Variants in TPTE2 observed in about 807,000 individuals in gnomAD.
TPTE2 encodes transmembrane phosphoinositide 3-phosphatase and tensin homolog 2, also known as phosphatidylinositol 3,4,5-trisphosphate 3-phosphatase TPTE2.
In TPTE2, 53 loss-of-function variants were observed where a neutral mutation model predicts 78.6. That is an observed-to-expected ratio of 0.67 (90% CI 0.54 to 0.85). The LOEUF (loss-of-function observed/expected upper bound fraction) is 0.85. Ranked by LOEUF, TPTE2 falls within the 40% of genes least tolerant of loss-of-function variation. The pLI is 0.00. For synonymous variants in TPTE2, 175 were observed against 206.2 expected, an observed-to-expected ratio of 0.85 and a Z score of 1.30; for missense variants, 461 against 623.0, an observed-to-expected ratio of 0.74 and a Z score of 2.77.
chr13:19,469,221 A>G (rs1055808483), intron 6 of TPTE2, among the ~76,000 whole-genome samples: 24 of 152,178 alleles, frequency 1.6e-4, no homozygotes, highest in African/African-American at 5.6e-4. Context: ...GTAGGGGTCT[A>G]GGTGCATTCT....
upstream of TPTE2, among the ~76,000 whole-genome samples, chr13:19,505,203 C>T (rs900154201): frequency 5.3e-5 from 8 of 151,960 alleles, no homozygotes; most frequent in South Asian, 2.1e-4. Flanking sequence ...TGCAGTGATG[C>T]GATCTTGGCT....
intron 1 of TPTE2, among the ~76,000 whole-genome samples, chr13:19,523,363 A>T (rs1355832211): frequency 6.6e-6 from 1 of 151,810 alleles, no homozygotes; most frequent in Non-Finnish European, 1.5e-5. Flanking sequence ...ATTTTCAGAG[A>T]TCTGAAAAGT....
At chr13:19,511,434 G>A (rs1170530749) in intron 1 of TPTE2, among the ~76,000 whole-genome samples, 8 of 152,140 alleles carry the variant, frequency 5.3e-5, no homozygotes, top group Admixed American at 3.9e-4. Flanking sequence ...TTAAACATAT[G>A]AAAATTGTTG....
At chr13:19,548,168 C>A in the TPTE2 span, among the ~76,000 whole-genome samples, 58 of 152,208 alleles carry the variant, frequency 3.8e-4, no homozygotes, top group African/African-American at 1.3e-3. Flanking sequence ...GTAGCAATGA[C>A]CAATTCTTTT....
chr13:19,508,086 AT>A (rs1232358569), upstream of TPTE2, among the ~76,000 whole-genome samples: 1 of 152,178 alleles, frequency 6.6e-6, no homozygotes, highest in African/African-American at 2.4e-5. Context: ...CTTACTGACA[AT>A]GACACGGCTT....
intron 17 of TPTE2, 33 bp downstream of exon 20, chr13:19,430,428 ACAAACAT>A (rs1876478441): frequency 6.7e-7 from 1 of 1,482,086 alleles, no homozygotes; most frequent in African/African-American, 1.4e-5. Context: ...CAGCCTTAAA[ACAAACAT>A]CAGATTTTTT....
rs890899798 is a variant in TPTE2, at chr13:19,516,894, T to G, written c.-43-13617A>C. ...CTATTTCTACTATTTTTCTATCTAA[T>G]TATTTTTCTATTTTTATTTGCTGGG... On this transcript the variant is annotated intron_variant, in intron 1 of 17. Coordinates refer to the TPTE2 transcript ENST00000390680. 2.0e-5 allele frequency among the ~76,000 whole-genome samples: 3 copies of G among 152,250 alleles called. 1 individual carries two copies. The highest frequency in any genetic ancestry group is 1.5e-5 in the Non-Finnish European group (1 of 68,046).
chr13:19,543,243 A>G, the TPTE2 span, among the ~76,000 whole-genome samples: 1 of 151,694 alleles, frequency 6.6e-6, no homozygotes, highest in African/African-American at 2.4e-5. Flanking sequence ...AGTAGAGACA[A>G]GGTTTCACCA....
At chr13:19,487,937 C>T (rs558309557) in intron 3 of TPTE2, among the ~76,000 whole-genome samples, 36 of 152,294 alleles carry the variant, frequency 2.4e-4, no homozygotes, top group African/African-American at 8.4e-4. Flanking sequence ...GTTGTAAAGA[C>T]TTTGTGTTTG....
At position 19,438,400 on chromosome 13, in the gene TPTE2, G is replaced by A; in HGVS notation, c.974-247C>T. 11 of 985,352 alleles carry A rather than the reference G, an allele frequency of 1.1e-5. No individual in the cohort carries two copies. The South Asian group carries it at 5.2e-4, about 46-fold the overall frequency. The allele number at this position is 985,352 out of a possible 1,614,324, so 61.0% of individuals were successfully genotyped here. On this transcript the variant is annotated intron_variant, in intron 13 of 19. Transcript: ENST00000400230. ...CCATCTCTCCACAAAAGGACACGATGAGGTTTTTACTAAATCTATAAGAAA... is the reference window on the plus strand; with the variant it reads ...CCATCTCTCCACAAAAGGACACGATAAGGTTTTTACTAAATCTATAAGAAA...
At chr13:19,439,435 A>G (rs530226335) in intron 13 of TPTE2, among the ~76,000 whole-genome samples, 1 of 152,212 alleles carries the variant, frequency 6.6e-6, no homozygotes, top group African/African-American at 2.4e-5. Context: ...AAATAACAAT[A>G]ATATTATAGG....
intron 9 of TPTE2, among the ~76,000 whole-genome samples, chr13:19,465,004 T>G (rs1879173279): frequency 6.6e-6 from 1 of 152,216 alleles, no homozygotes; most frequent in Non-Finnish European, 1.5e-5. Flanking sequence ...GGTTAATAAA[T>G]TGAAACTCAA....
At chr13:19,462,327 C>A (rs981096945) in intron 10 of TPTE2, among the ~76,000 whole-genome samples, 1 of 151,888 alleles carries the variant, frequency 6.6e-6, no homozygotes. Context: ...CTAGGAAATA[C>A]TTTATTTCTC....
Position 19,489,752 on chromosome 13 carries a change from A to G in TPTE2, c.119+3098T>C, listed in dbSNP as rs562355186. Among the ~76,000 whole-genome samples, 7 of 67,796 alleles carry G rather than the reference A, an allele frequency of 1.0e-4. No individual in the cohort carries two copies. The South Asian group carries it at 4.7e-3, about 46-fold the overall frequency. The allele number at this position is 67,796 out of a possible 152,430, so 44.5% of individuals were successfully genotyped here. On this transcript the variant is annotated intron_variant, in intron 3 of 19. Transcript: ENST00000400230. ...TATATATACACACACACATATATAC[A>G]TGTGTGTTATATGTGTGTGTGTGTG...
chr13:19,449,542 C>G (rs899735627), intron 13 of TPTE2, among the ~76,000 whole-genome samples: 2 of 152,130 alleles, frequency 1.3e-5, no homozygotes, highest in African/African-American at 4.8e-5. Flanking sequence ...ATAATGTATA[C>G]TTGAAAATTG....
the TPTE2 span, among the ~76,000 whole-genome samples, chr13:19,554,042 G>T: frequency 5.9e-5 from 9 of 151,878 alleles, no homozygotes; most frequent in Admixed American, 1.3e-4. Context: ...CAACATTTTT[G>T]ATCTTTCTTA....
At chr13:19,443,383 T>C (rs1877609305) in intron 13 of TPTE2, among the ~76,000 whole-genome samples, 2 of 127,376 alleles carry the variant, frequency 1.6e-5, no homozygotes, top group Admixed American at 9.5e-5. Context: ...AATTTCTTTT[T>C]TCTTTCTTTC....
At chr13:19,448,524 G>A (rs1450226371) in intron 13 of TPTE2, among the ~76,000 whole-genome samples, 3 of 152,158 alleles carry the variant, frequency 2.0e-5, no homozygotes, top group Admixed American at 6.5e-5. Context: ...AACCTGAAAA[G>A]ATATTTCCCA....
At chr13:19,544,204 C>A in the TPTE2 span, among the ~76,000 whole-genome samples, 1 of 151,258 alleles carries the variant, frequency 6.6e-6, no homozygotes, top group Non-Finnish European at 1.5e-5. Flanking sequence ...AAAACATGAA[C>A]CAACTATATG....
Sources: gnomAD v4.1 joint callset for allele counts (sites outside exome capture counted in the v4.1 genomes callset) on GRCh38, gnomAD v4.1.1 for gene constraint, MANE v1.5 for transcripts, NCBI Gene and HGNC (gene_info 2026-07-23, HGNC 2026-07-21) for gene names.